YTHDC1: variants seen among roughly 807,000 people sequenced by gnomAD.
YTHDC1 encodes YTH N6-methyladenosine RNA binding protein C1.
A neutral mutation model predicts 107.0 loss-of-function variants in YTHDC1; 12 were observed. The ratio of observed to expected loss-of-function variants is 0.11; its 90% CI spans 0.07 to 0.18. The LOEUF is 0.18. Among genes scored for constraint, YTHDC1 ranks in the 10% least tolerant of loss-of-function variants. The probability of loss-of-function intolerance (pLI) is 1.00; values close to 1 mark genes in which losing one functional copy is unlikely to be tolerated. For synonymous variants in YTHDC1, 280 were observed against 289.5 expected (o/e 0.97, Z 0.33); for missense variants, 635 against 898.8 (o/e 0.71, Z 3.75).
intron 4 of YTHDC1, among the ~76,000 whole-genome samples, chr4:68,335,629 A>G (rs1383499492): frequency 6.6e-6 from 1 of 152,144 alleles, no homozygotes; most frequent in Non-Finnish European, 1.5e-5. Flanking sequence ...AGAGATACCA[A>G]AAAGAAGATT....
Position 68,322,152 on chromosome 4 carries a change from A to AT in YTHDC1, c.1601+596_1601+597insA. On this transcript the variant is annotated intron_variant, in intron 11 of 16. Transcript: ENST00000344157. This position sits in a 1 kb window ranked among gnomAD's most constrained non-coding sequence, Gnocchi z 4.8. ...TTTCAGAAGCTCAGCAAGATGTGTG[A>AT]ATTCACTGGGTACATGTTAGAGAAT... Among the ~76,000 whole-genome samples the AT allele has an allele frequency of 6.6e-6, 1 of 152,304 alleles. No individual in the cohort carries two copies. The highest frequency in any genetic ancestry group is 1.9e-4 in the East Asian group (1 of 5,186).
intron 7 of YTHDC1, among the ~76,000 whole-genome samples, chr4:68,330,619 T>C (rs1242215769): frequency 6.6e-6 from 1 of 152,160 alleles, no homozygotes; most frequent in Admixed American, 6.5e-5. Flanking sequence ...TATTTTAATA[T>C]TACAACCATT....
rs376747144 is a variant in YTHDC1, at chr4:68,318,290, C to T, written c.1824+229G>A. Among the ~76,000 whole-genome samples the T allele has an allele frequency of 3.9e-5, 6 of 152,140 alleles. No individual in the cohort carries two copies. In the South Asian group the frequency reaches 1.2e-3, roughly 32 times the overall value. ...ATGTTTTTTGTATTTTTAGTAGAGA[C>T]AAGGTTTCAGTTTCACCGTGTTGGC... On this transcript the variant is annotated intron_variant, in intron 15 of 16. Coordinates refer to ENST00000344157, the MANE Select transcript of YTHDC1 (RefSeq NM_001031732.4).
intron 12 of YTHDC1, among the ~76,000 whole-genome samples, chr4:68,319,386 T>C (rs1163395440): frequency 1.3e-5 from 2 of 152,208 alleles, no homozygotes; most frequent in Non-Finnish European, 2.9e-5. Context: ...TTCTTTCCCC[T>C]GCTTCTTTTA....
chr4:68,334,827 C>T (rs903297400), intron 4 of YTHDC1, among the ~76,000 whole-genome samples: 1 of 152,042 alleles, frequency 6.6e-6, no homozygotes, highest in Non-Finnish European at 1.5e-5. Flanking sequence ...AGTTCGAGAC[C>T]AGCCTGGGCA....
In YTHDC1 at chr4:68,311,537, G is replaced by T. The variant is rs1721303490; in HGVS notation, c.*2562C>A. The stretch of plus-strand genomic sequence containing the variant: ...ACCATGTCTTCTCACAGTGACAAAA[G>T]CTGTCATGTGTACGAATATTAAATA... On this transcript the variant is annotated 3_prime_UTR_variant, in exon 17 of 17. Transcript: ENST00000344157. 6.6e-6 allele frequency: 1 copy of T among 152,044 alleles called. No homozygotes were observed. Among genetic ancestry groups the T allele is most frequent in the African/African-American group, 2.4e-5 (1 of 41,328 alleles). The allele number at this position is 152,044 out of a possible 1,614,324, so 9.4% of individuals were successfully genotyped here. A position where few individuals can be genotyped will look rare whatever the true frequency, so the allele number is the denominator to read the frequency against.
rs1428615961 is a variant in YTHDC1, at chr4:68,333,226, CACACT to C, written c.973+77_973+81del. ...CAGTGCTAATGGACATCAACAAGTTCACACTAAACTACAGCCTCCACACGCTTTCT... is the reference window on the plus strand; with the variant it reads ...CAGTGCTAATGGACATCAACAAGTTCAAACTACAGCCTCCACACGCTTTCT... On this transcript the variant is annotated intron_variant, in intron 5 of 16. Transcript: ENST00000344157. 544 of 1,056,896 alleles carry C rather than the reference CACACT, an allele frequency of 5.1e-4. 2 individuals carry two copies. The highest frequency in any genetic ancestry group is 1.1e-4 in the Non-Finnish European group (79 of 710,350). The allele number at this position is 1,056,896 out of a possible 1,614,324, so 65.5% of individuals were successfully genotyped here.
At chr4:68,343,643 C>A (rs1311754834) in intron 1 of YTHDC1, among the ~76,000 whole-genome samples, 1 of 148,162 alleles carries the variant, frequency 6.7e-6, no homozygotes, top group East Asian at 2.0e-4. Context: ...TCAAGCAATT[C>A]TCCCTGCCTC....
chr4:68,348,305 C>T (rs1450171366), intron 1 of YTHDC1, among the ~76,000 whole-genome samples: 1 of 152,174 alleles, frequency 6.6e-6, no homozygotes, highest in African/African-American at 2.4e-5. Flanking sequence ...ACCACAACCA[C>T]TACAGACTCC....
intron 2 of YTHDC1, 64 bp downstream of exon 2, chr4:68,338,219 T>A (rs1218830481): frequency 4.9e-6 from 7 of 1,440,564 alleles, no homozygotes; most frequent in African/African-American, 4.3e-5. Context: ...TCATTTTTTT[T>A]AAGAAATTGA....
intron 9 of YTHDC1, among the ~76,000 whole-genome samples, chr4:68,325,220 G>A (rs1227135007): frequency 6.6e-6 from 1 of 152,016 alleles, no homozygotes; most frequent in Non-Finnish European, 1.5e-5. Flanking sequence ...AGAAAAATAA[G>A]CACACACAAT....
At chr4:68,338,580 G>A (rs960669677) in intron 1 of YTHDC1, among the ~76,000 whole-genome samples, 196 bp from the exon 2 acceptor site, 5 of 152,234 alleles carry the variant, frequency 3.3e-5, no homozygotes, top group Admixed American at 3.3e-4. Context: ...GCCAGTCGTG[G>A]TGGCTCATGC....
chr4:68,321,672 C>T (rs1722461999), intron 11 of YTHDC1, among the ~76,000 whole-genome samples: 1 of 152,132 alleles, frequency 6.6e-6, no homozygotes, highest in African/African-American at 2.4e-5. Context: ...GCCAGGTTTC[C>T]TCCTACCTAC....
chr4:68,318,804 G>A (rs1300392572), intron 13 of YTHDC1, 22 bp downstream of exon 13: 6 of 1,613,986 alleles, frequency 3.7e-6, no homozygotes, highest in Non-Finnish European at 5.1e-6. Flanking sequence ...TTCAAAACTA[G>A]GCAAGAGTGA....
At chr4:68,348,903 A>G (rs1333519902) in intron 1 of YTHDC1, among the ~76,000 whole-genome samples, 1 of 152,244 alleles carries the variant, frequency 6.6e-6, no homozygotes, top group Admixed American at 6.5e-5. Flanking sequence ...ACCACTCTCC[A>G]GAGAGACACT....
Position 68,337,093 on chromosome 4 carries a change from A to G in YTHDC1, c.817T>C (p.Ser273Pro), listed in dbSNP as rs1481983337. The stretch of plus-strand genomic sequence containing the variant: ...GTGAAGGAAACAGATTCAGAACCAG[A>G]GTCACTGGCCTCACTTCGAGTGTCA... ...DYDTRSEASD[S>P]GSESVSFTDG... is the part of the protein sequence containing the mutation. The change falls in exon 4 of 17, where the codon TCT becomes CCT. Residue 273 changes from serine (S) to proline (P), a missense_variant. Physicochemically the swap from Ser to Pro is moderately conservative, Grantham distance 74 (BLOSUM62 -1). Coordinates refer to ENST00000344157, the MANE Select transcript of YTHDC1 (RefSeq NM_001031732.4). 2 of 1,614,080 alleles carry G rather than the reference A, an allele frequency of 1.2e-6. No homozygotes were observed. The highest frequency in any genetic ancestry group is 1.7e-6 in the Non-Finnish European group (2 of 1,179,988).
chr4:68,349,648 C>CCCACCA, intron 1 of YTHDC1, 78 bp downstream of exon 1: 2 of 458,744 alleles, frequency 4.4e-6, no homozygotes, highest in South Asian at 1.6e-5. Flanking sequence ...CCCCCCACCC[C>CCCACCA]CAACGACGAC....
chr4:68,320,044 T>G, intron 12 of YTHDC1, 79 bp downstream of exon 12: 2 of 1,248,328 alleles, frequency 1.6e-6, no homozygotes, highest in Non-Finnish European at 2.2e-6. Context: ...AACTGCAGGA[T>G]TGTGAGGGTT....
Position 68,349,844 on chromosome 4 carries a change from G to A in YTHDC1, c.-91C>T. 10 of 1,562,522 alleles carry A rather than the reference G, an allele frequency of 6.4e-6. No homozygotes were observed. The highest frequency in any genetic ancestry group is 8.8e-6 in the Non-Finnish European group (10 of 1,139,798). Reference sequence around the variant, plus strand: ...GCAGCCGCGGCAGAAGCACGGGCCCGTCCGTCAGTCCGTCTGCCCGGATAC... The same window carrying A: ...GCAGCCGCGGCAGAAGCACGGGCCCATCCGTCAGTCCGTCTGCCCGGATAC... On this transcript the variant is annotated 5_prime_UTR_variant, in exon 1 of 17. It adds an upstream start codon to the 5' untranslated region. Coordinates refer to ENST00000344157, the MANE Select transcript of YTHDC1 (RefSeq NM_001031732.4).
Sources: gnomAD v4.1 joint callset for allele counts (sites outside exome capture counted in the v4.1 genomes callset) on GRCh38, gnomAD v4.1.1 for gene constraint, Gnocchi (gnomAD v3.1) non-coding constraint, MANE v1.5 for transcripts, NCBI Gene and HGNC (gene_info 2026-07-23, HGNC 2026-07-21) for gene names.